Variants in CNIH3 observed in about 807,000 individuals in gnomAD.
CNIH3 encodes the protein cornichon family AMPA receptor auxiliary protein 3.
Under a neutral mutation model 24.1 loss-of-function variants are expected in CNIH3, and 14 were observed. That is an observed-to-expected ratio of 0.58 (90% CI 0.38 to 0.91). The LOEUF (loss-of-function observed/expected upper bound fraction) is 0.91, where lower values mean the gene tolerates loss of function less well. CNIH3 is among the 40% of genes least tolerant of loss of function. The probability of loss-of-function intolerance (pLI) is 0.00; values close to 1 mark genes in which losing one functional copy is unlikely to be tolerated. For missense variants in CNIH3, 178 were observed against 196.8 expected (o/e 0.90, Z 0.57); for synonymous variants, 68 against 73.8 (o/e 0.92, Z 0.40).
At chr1:224,690,059 G>A (rs1686857165) in intron 3 of CNIH3, among the ~76,000 whole-genome samples, 1 of 152,130 alleles carries the variant, frequency 6.6e-6, no homozygotes, top group African/African-American at 2.4e-5. Flanking sequence ...TTTAGCGAGT[G>A]GTTCGAGGAA....
At chr1:224,717,146 G>A (rs534162560) in intron 3 of CNIH3, among the ~76,000 whole-genome samples, 36 of 152,320 alleles carry the variant, frequency 2.4e-4, no homozygotes, top group Non-Finnish European at 3.4e-4. Flanking sequence ...ATGCACACGT[G>A]TGCTTGGGCT....
chr1:224,595,316 G>T (rs1681930550), intron 3 of CNIH3, among the ~76,000 whole-genome samples: 1 of 152,172 alleles, frequency 6.6e-6, no homozygotes, highest in Non-Finnish European at 1.5e-5. Context: ...AGGGTGCTGG[G>T]ATTACAGGTA....
At chr1:224,453,735 A>C (rs996976094) in intron 1 of CNIH3, among the ~76,000 whole-genome samples, 4 of 152,094 alleles carry the variant, frequency 2.6e-5, no homozygotes, top group Non-Finnish European at 4.4e-5. Flanking sequence ...CAGCCTCAAA[A>C]TTGTGGGATC....
chr1:224,702,204 T>A (rs2125176478), intron 3 of CNIH3, among the ~76,000 whole-genome samples: 1 of 152,348 alleles, frequency 6.6e-6, no homozygotes, highest in African/African-American at 2.4e-5. Context: ...GCTATAGGTT[T>A]CTCTTAAAAA....
chr1:224,618,709 G>A (rs571897609), intron 1 of CNIH3, among the ~76,000 whole-genome samples: 3 of 152,284 alleles, frequency 2.0e-5, no homozygotes, highest in African/African-American at 7.2e-5. Flanking sequence ...GTGTAAATCC[G>A]TGCATCAGTA....
chr1:224,495,252 T>TG (rs1677390509), intron 1 of CNIH3, among the ~76,000 whole-genome samples: 1 of 152,120 alleles, frequency 6.6e-6, no homozygotes, highest in Non-Finnish European at 1.5e-5. Flanking sequence ...AGCCCCCTTC[T>TG]CTCCCATGCC....
intron 2 of CNIH3, among the ~76,000 whole-genome samples, chr1:224,528,444 C>T (rs1456857693): frequency 6.6e-6 from 1 of 152,088 alleles, no homozygotes; most frequent in African/African-American, 2.4e-5. Flanking sequence ...CCTTAGCCAC[C>T]TGAGTAGCTG....
chr1:224,731,230 G>C (rs1321293508), intron 4 of CNIH3, among the ~76,000 whole-genome samples: 1 of 152,038 alleles, frequency 6.6e-6, no homozygotes, highest in Non-Finnish European at 1.5e-5. Flanking sequence ...GAATTGTACA[G>C]TTGTACACTT....
chr1:224,442,380 T>C (rs1395569819), intron 1 of CNIH3, among the ~76,000 whole-genome samples: 2 of 152,214 alleles, frequency 1.3e-5, no homozygotes, highest in African/African-American at 2.4e-5. Context: ...GATGTACATT[T>C]TCTGCTACAG....
At chr1:224,601,278 G>T (rs796304917) in intron 3 of CNIH3, among the ~76,000 whole-genome samples, 1 of 152,210 alleles carries the variant, frequency 6.6e-6, no homozygotes, top group Non-Finnish European at 1.5e-5. Flanking sequence ...CACTTGGAAG[G>T]TGCTGCATGC....
chr1:224,479,878 G>A (rs886130722), intron 1 of CNIH3, among the ~76,000 whole-genome samples: 1 of 152,206 alleles, frequency 6.6e-6, no homozygotes, highest in African/African-American at 2.4e-5. Context: ...CATGCTGCAA[G>A]CTGTCAGTGG....
chr1:224,556,942 T>C (rs1397084497), intron 3 of CNIH3, among the ~76,000 whole-genome samples: 1 of 152,184 alleles, frequency 6.6e-6, no homozygotes, highest in Non-Finnish European at 1.5e-5. Flanking sequence ...TCTGAGGAGC[T>C]CCTGGACTAC....
Position 224,682,417 on chromosome 1 carries a change from C to A in CNIH3, c.150+1391C>A, listed in dbSNP as rs138736093. Among the ~76,000 whole-genome samples, 100 of 152,294 alleles carry A rather than the reference C, an allele frequency of 6.6e-4. 1 individual carries two copies. The highest frequency in any genetic ancestry group is 3.4e-3 in the Middle Eastern group (1 of 294). The stretch of plus-strand genomic sequence containing the variant: ...TACCCTGTGTTGCCTCTTTAAGAGA[C>A]CTGACTTTATAATATCTGAGGCCCA... On this transcript the variant is annotated intron_variant, in intron 2 of 5. Coordinates refer to ENST00000272133, the MANE Select transcript of CNIH3 (RefSeq NM_152495.2).
At chr1:224,556,759 C>T (rs577828871) in intron 3 of CNIH3, among the ~76,000 whole-genome samples, 1 of 152,330 alleles carries the variant, frequency 6.6e-6, no homozygotes, top group East Asian at 1.9e-4. Flanking sequence ...ACCCACTGCT[C>T]ACCTCCTGCT....
intron 3 of CNIH3, among the ~76,000 whole-genome samples, chr1:224,709,954 A>C (rs1688046374): frequency 6.6e-6 from 1 of 152,212 alleles, no homozygotes; most frequent in African/African-American, 2.4e-5. Flanking sequence ...TTTTACTTAT[A>C]AATTAGGCAT....
At chr1:224,555,361 G>A (rs1680093427) in intron 3 of CNIH3, among the ~76,000 whole-genome samples, 1 of 152,086 alleles carries the variant, frequency 6.6e-6, no homozygotes, top group African/African-American at 2.4e-5. Flanking sequence ...ATTCATTGAT[G>A]GCTTTAATGG....
rs1411560891 is a variant in CNIH3, at chr1:224,607,713, AG to A, written n.402+41452del. Among the ~76,000 whole-genome samples the A allele has an allele frequency of 5.9e-5, 9 of 152,188 alleles. 1 individual carries two copies. The highest frequency in any genetic ancestry group is 2.2e-4 in the African/African-American group (9 of 41,462). ...GGGTGAAATTCAACAGAACTGCTTT[AG>A]GGTAAAAGTCTCGGGGCCTACAAGG... On this transcript the variant is annotated intron_variant and non_coding_transcript_variant, in intron 3 of 7. Coordinates refer to the CNIH3 transcript ENST00000478120.
chr1:224,524,593 C>A (rs1265449766), intron 2 of CNIH3, among the ~76,000 whole-genome samples: 3 of 151,964 alleles, frequency 2.0e-5, no homozygotes, highest in Non-Finnish European at 2.9e-5. Context: ...GAGGGAATGA[C>A]TTAGTTTTTG....
At chr1:224,520,222 C>T (rs1412175474) in intron 1 of CNIH3, among the ~76,000 whole-genome samples, 1 of 152,180 alleles carries the variant, frequency 6.6e-6, no homozygotes, top group Non-Finnish European at 1.5e-5. Context: ...TTTTAGGACA[C>T]CCTAAATTTA....
Sources: allele counts gnomAD v4.1 joint callset (sites outside exome capture counted in the v4.1 genomes callset), GRCh38; gene constraint gnomAD v4.1.1; transcripts MANE v1.5; gene names NCBI Gene and HGNC (gene_info 2026-07-23, HGNC 2026-07-21).